The following TTC21B variants were observed in gnomAD, a reference collection of about 807,000 sequenced individuals.
TTC21B encodes tetratricopeptide repeat protein 21B.
A neutral mutation model predicts 175.1 loss-of-function variants in TTC21B; 127 were observed. The observed-to-expected ratio is 0.73, with a 90% confidence interval of 0.63 to 0.84. The LOEUF (loss-of-function observed/expected upper bound fraction) is 0.84, where lower values mean the gene tolerates loss of function less well. Ranked by LOEUF, TTC21B falls within the 40% of genes least tolerant of loss-of-function variation. The pLI, the probability that TTC21B is intolerant of heterozygous loss-of-function variation, is 0.00. For missense variants in TTC21B, 1,561 were observed against 1,558.3 expected (o/e 1.00, Z -0.03); for synonymous variants, 524 against 524.5 (o/e 1.00, Z 0.01).
In TTC21B at chr2:165,874,805, T is replaced by C. The variant is rs758315682; in HGVS notation, c.3901A>G (p.Lys1301Glu). The change falls in exon 29 of 29, where the codon AAA becomes GAA. Residue 1301 changes from lysine (K) to glutamate (E), a missense_variant. Physicochemically the swap from Lys to Glu is moderately conservative, Grantham distance 56. Transcript: ENST00000243344. ...QVLEAHPTYP[K>E]IRKDILDKAR... ...TTATCAAGTATATCCTTTCTGATTT[T>C]TGGATAAGTTGGATGTGCTTCAAGA... is the stretch of plus-strand genomic sequence containing the variant. 1.2e-6 allele frequency: 2 copies of C among 1,613,756 alleles called. No individual in the cohort carries two copies. The highest frequency in any genetic ancestry group is 4.5e-5 in the East Asian group (2 of 44,776).
intron 5 of TTC21B, among the ~76,000 whole-genome samples, chr2:165,941,423 T>C (rs1168806978): frequency 2.0e-5 from 3 of 152,152 alleles, no homozygotes; most frequent in Non-Finnish European, 4.4e-5. Flanking sequence ...GATTAAAGGA[T>C]AAAATTTTTT....
chr2:165,943,415 C>A, intron 4 of TTC21B, 74 bp from the exon 5 acceptor site: 1 of 1,191,132 alleles, frequency 8.4e-7, no homozygotes, highest in South Asian at 1.4e-5. Flanking sequence ...AGCCTAATGT[C>A]ATTTTTCTGG....
chr2:165,892,545 AAAG>A (rs1340510328), intron 22 of TTC21B, among the ~76,000 whole-genome samples: 1 of 152,246 alleles, frequency 6.6e-6, no homozygotes, highest in East Asian at 1.9e-4. Flanking sequence ...TGCCATAAAA[AAAG>A]AAAATTTTGA....
intron 22 of TTC21B, among the ~76,000 whole-genome samples, chr2:165,891,216 C>G (rs1685181090): frequency 6.6e-6 from 1 of 151,988 alleles, no homozygotes; most frequent in Non-Finnish European, 1.5e-5. Context: ...ATAGGCAAAT[C>G]TAGAAAAATG....
intron 12 of TTC21B, among the ~76,000 whole-genome samples, chr2:165,919,692 A>C (rs1475438858): frequency 1.3e-5 from 2 of 152,230 alleles, no homozygotes; most frequent in Non-Finnish European, 1.5e-5. Flanking sequence ...ATGAGAGCCA[A>C]GCACTGGTGT....
intron 4 of TTC21B, among the ~76,000 whole-genome samples, chr2:165,944,036 C>G (rs1559075465): frequency 1.3e-5 from 2 of 151,936 alleles, no homozygotes; most frequent in African/African-American, 4.8e-5. Flanking sequence ...ATTTATAAAC[C>G]TTTAACTAAG....
chr2:165,919,196 G>C (rs1473625314), intron 13 of TTC21B, 80 bp downstream of exon 13: 1 of 1,539,668 alleles, frequency 6.5e-7, no homozygotes, highest in Non-Finnish European at 9.0e-7. Flanking sequence ...AAATACTACA[G>C]GCTAAAACAC....
chr2:165,927,314 T>TTATATAATATATATATAA (rs1205327289), intron 11 of TTC21B, among the ~76,000 whole-genome samples: 4 of 51,016 alleles, frequency 7.8e-5, no homozygotes, highest in African/African-American at 2.1e-4. Context: ...ATATTATATA[T>TTATATAATATATATATAA]TATATAATAT....
chr2:165,913,670 T>A (rs1332274185), intron 15 of TTC21B, 24 bp from the exon 16 acceptor site: 22 of 1,577,106 alleles, frequency 1.4e-5, no homozygotes, highest in Non-Finnish European at 1.8e-5. Context: ...CAACATTACT[T>A]AGCATATTGA....
chr2:165,897,843 C>G lies in TTC21B; in HGVS notation c.2950+843G>C, dbSNP rs116792147. ...GAAGAACTGAGTGAGTTTAGGATCT[C>G]AGAGACAAATGAAGAAAGTCTTTCA... is the stretch of plus-strand genomic sequence containing the variant. On this transcript the variant is annotated intron_variant, in intron 22 of 28. Transcript: ENST00000243344. Among the ~76,000 whole-genome samples, 1,343 of 152,222 alleles carry G rather than the reference C, an allele frequency of 8.8e-3. 21 individuals are homozygous for G. Among genetic ancestry groups the G allele is most frequent in the African/African-American group, 0.031 (1,280 of 41,524 alleles).
rs1453882478 is a variant in TTC21B, at chr2:165,931,656, T to G, written c.894+102A>C. ...TATATCATATATTTAAATACATATT[T>G]GCACTCTAGGCCATATGCTCTTCCC... On this transcript the variant is annotated intron_variant, in intron 8 of 28. Coordinates refer to ENST00000243344, the MANE Select transcript of TTC21B (RefSeq NM_024753.5). The G allele has an allele frequency of 5.3e-6, 5 of 940,818 alleles. No individual in the cohort carries two copies. In the Admixed American group the frequency reaches 9.4e-5, roughly 18 times the overall value. The allele number at this position is 940,818 out of a possible 1,614,324, so 58.3% of individuals were successfully genotyped here.
At chr2:165,881,906 A>C (rs1474820039) in intron 26 of TTC21B, among the ~76,000 whole-genome samples, 1 of 152,182 alleles carries the variant, frequency 6.6e-6, no homozygotes, top group Admixed American at 6.5e-5. Flanking sequence ...CTTTAATGGA[A>C]GAAATCTCAC....
At chr2:165,940,867 C>A (rs976422804) in intron 6 of TTC21B, among the ~76,000 whole-genome samples, 160 bp downstream of exon 6, 1 of 151,998 alleles carries the variant, frequency 6.6e-6, no homozygotes, top group Admixed American at 6.6e-5. Context: ...TCAATAAATT[C>A]AATGTTTAAA....
chr2:165,936,215 G>T (rs1318656735), intron 6 of TTC21B, among the ~76,000 whole-genome samples: 1 of 152,040 alleles, frequency 6.6e-6, no homozygotes, highest in East Asian at 1.9e-4. Flanking sequence ...GTGGAGAAAA[G>T]ACACTCTTTT....
intron 6 of TTC21B, 59 bp from the exon 7 acceptor site, chr2:165,933,116 G>T (rs1023973094): frequency 6.6e-7 from 1 of 1,524,402 alleles, no homozygotes. Context: ...TTTTATTCGA[G>T]GGCATGAAAA....
Position 165,926,991 on chromosome 2 carries a change from C to CATATATATATATATATAT in TTC21B, c.1386+2126_1386+2143dup, listed in dbSNP as rs367965246. Reference sequence around the variant, plus strand: ...TATATGGAGTATATATATAAACTCCCATATATATATATATATATATATATA... The same window carrying CATATATATATATATATAT: ...TATATGGAGTATATATATAAACTCCCATATATATATATATATATATATATATATATATATATATATATA... On this transcript the variant is annotated intron_variant, in intron 11 of 28. Transcript: ENST00000243344. Among the ~76,000 whole-genome samples, 20 of 14,618 alleles carry CATATATATATATATATAT rather than the reference C, an allele frequency of 1.4e-3. 4 individuals carry two copies. The highest frequency in any genetic ancestry group is 1.7e-3 in the Admixed American group (2 of 1,156). 9.6% of individuals were successfully genotyped at this position (14,618 alleles called of 152,430 possible).
At chr2:165,912,710 T>C in intron 16 of TTC21B, 86 bp from the exon 17 acceptor site, 2 of 962,866 alleles carry the variant, frequency 2.1e-6, no homozygotes, top group South Asian at 2.6e-5. Flanking sequence ...AATTAATCTC[T>C]ACATTTGTAA....
At chr2:165,886,644 T>G (rs1685005236) in intron 25 of TTC21B, among the ~76,000 whole-genome samples, 1 of 152,210 alleles carries the variant, frequency 6.6e-6, no homozygotes, top group Admixed American at 6.5e-5. Context: ...TAACACAGTC[T>G]TATCAACAGA....
chr2:165,945,866 T>C (rs1687540441), intron 3 of TTC21B, among the ~76,000 whole-genome samples, 176 bp from the exon 4 acceptor site: 2 of 152,150 alleles, frequency 1.3e-5, no homozygotes, highest in Non-Finnish European at 2.9e-5. Flanking sequence ...ATCAAAGAAA[T>C]AGAAAGAAAC....
Sources: gnomAD v4.1 joint callset for allele counts (sites outside exome capture counted in the v4.1 genomes callset) on GRCh38, gnomAD v4.1.1 for gene constraint, MANE v1.5 for transcripts, NCBI Gene and HGNC (gene_info 2026-07-23, HGNC 2026-07-21) for gene names.